The following CSNK1G1 variants were observed in gnomAD, a reference collection of about 807,000 sequenced individuals.
CSNK1G1 encodes casein kinase 1 gamma 1, also known as casein kinase I isoform gamma-1.
In CSNK1G1, 22 loss-of-function variants were observed where a neutral mutation model predicts 59.6. That is an observed-to-expected ratio of 0.37 (90% CI 0.26 to 0.53). CSNK1G1 has a LOEUF of 0.53. Among genes scored for constraint, CSNK1G1 ranks in the 20% least tolerant of loss-of-function variants. The pLI is 0.89. For missense variants in CSNK1G1, 384 were observed against 519.5 expected, an observed-to-expected ratio of 0.74 and a Z score of 2.54; for synonymous variants, 179 against 177.1, an observed-to-expected ratio of 1.01 and a Z score of -0.08.
At chr15:64,339,040 A>G (rs1241294968) in intron 1 of CSNK1G1, among the ~76,000 whole-genome samples, 1 of 152,164 alleles carries the variant, frequency 6.6e-6, no homozygotes, top group Non-Finnish European at 1.5e-5. Flanking sequence ...CTTCCAAGAA[A>G]AGGGGAGAGT....
intron 1 of CSNK1G1, among the ~76,000 whole-genome samples, chr15:64,340,363 G>A (rs1056861079): frequency 6.6e-6 from 1 of 152,072 alleles, no homozygotes; most frequent in African/African-American, 2.4e-5. Flanking sequence ...ATCTCTGCTG[G>A]CAGGAAGTAT....
At chr15:64,179,434 C>A (rs116316743) in intron 11 of CSNK1G1, among the ~76,000 whole-genome samples, 1,884 of 151,720 alleles carry the variant, frequency 0.012, 28 homozygotes, top group African/African-American at 0.044. Flanking sequence ...TACTTAGGTA[C>A]AATATCACTA....
At chr15:64,241,614 C>A (rs1341054529) in intron 4 of CSNK1G1, among the ~76,000 whole-genome samples, 2 of 151,918 alleles carry the variant, frequency 1.3e-5, no homozygotes, top group African/African-American at 2.4e-5. Flanking sequence ...TCTTTTCTGA[C>A]CATAAGGAAA....
intron 10 of CSNK1G1, among the ~76,000 whole-genome samples, chr15:64,195,345 C>A (rs1450090712): frequency 1.3e-5 from 2 of 152,152 alleles, no homozygotes; most frequent in South Asian, 2.1e-4. Context: ...TTTTCACATA[C>A]CCACAACAAA....
At chr15:64,351,289 A>G (rs560569094) in intron 1 of CSNK1G1, among the ~76,000 whole-genome samples, 2 of 152,344 alleles carry the variant, frequency 1.3e-5, no homozygotes, top group South Asian at 4.1e-4. Context: ...CAATAAATTC[A>G]GCTGTATTTT....
At chr15:64,285,857 A>AG (rs1044300758) in intron 2 of CSNK1G1, among the ~76,000 whole-genome samples, 25 of 151,784 alleles carry the variant, frequency 1.6e-4, no homozygotes, top group Admixed American at 8.5e-4. Context: ...TTCTCCAAGA[A>AG]GGGGAAAAAA....
At chr15:64,286,086 A>G (rs1358207607) in intron 2 of CSNK1G1, among the ~76,000 whole-genome samples, 2 of 152,040 alleles carry the variant, frequency 1.3e-5, no homozygotes, top group East Asian at 1.9e-4. Context: ...TGCCTTTTGT[A>G]TGGTGCGGCT....
chr15:64,276,162 G>C (rs576314408), intron 2 of CSNK1G1, among the ~76,000 whole-genome samples: 2 of 152,164 alleles, frequency 1.3e-5, no homozygotes, highest in East Asian at 3.9e-4. Context: ...ATCAAAGCAG[G>C]ACTCATACTC....
chr15:64,181,479 T>C (rs1735639585), intron 10 of CSNK1G1: 3 of 1,460,088 alleles, frequency 2.1e-6, no homozygotes, highest in African/African-American at 1.4e-5. Context: ...TTGGATATCA[T>C]ATGCCCTTGG....
At chr15:64,291,218 A>G (rs2140385380) in intron 2 of CSNK1G1, among the ~76,000 whole-genome samples, 1 of 152,356 alleles carries the variant, frequency 6.6e-6, no homozygotes, top group East Asian at 1.9e-4. Flanking sequence ...TTTCTAAGAA[A>G]CTATTAACTT....
At chr15:64,219,358 G>A (rs939935420) in intron 4 of CSNK1G1, among the ~76,000 whole-genome samples, 2 of 152,152 alleles carry the variant, frequency 1.3e-5, no homozygotes, top group Admixed American at 1.3e-4. Context: ...CCTATATAAG[G>A]ATTTAATGCC....
intron 1 of CSNK1G1, among the ~76,000 whole-genome samples, chr15:64,353,329 T>C (rs73448547): frequency 0.026 from 3,994 of 152,178 alleles, 166 homozygotes; most frequent in African/African-American, 0.092. Flanking sequence ...AACTATATTA[T>C]TTTAAATCCA....
At chr15:64,298,924 C>A (rs1895168686) in intron 2 of CSNK1G1, among the ~76,000 whole-genome samples, 1 of 151,342 alleles carries the variant, frequency 6.6e-6, no homozygotes, top group Non-Finnish European at 1.5e-5. Context: ...CTGTAAGTCC[C>A]AGCTACTCTG....
chr15:64,247,105 T>G lies in CSNK1G1; in HGVS notation c.292+4407A>C, dbSNP rs187637886. Among the ~76,000 whole-genome samples the G allele has an allele frequency of 3.1e-3, 473 of 152,340 alleles. 5 individuals are homozygous for G. The highest frequency in any genetic ancestry group is 0.011 in the African/African-American group (452 of 41,584). On this transcript the variant is annotated intron_variant, in intron 4 of 11. Transcript: ENST00000303052. Reference sequence around the variant, plus strand: ...CAAACCTCTCATCCACCAAATCTTGTTCCTGTGTGCTAGAATACAAGCAAA... The same window carrying G: ...CAAACCTCTCATCCACCAAATCTTGGTCCTGTGTGCTAGAATACAAGCAAA...
intron 2 of CSNK1G1, among the ~76,000 whole-genome samples, chr15:64,290,345 T>TAC (rs58767502): frequency 0.068 from 10,178 of 150,266 alleles, 388 homozygotes; most frequent in South Asian, 0.099. Flanking sequence ...ACACACATTT[T>TAC]ACACACACAC....
chr15:64,198,685 C>A (rs1232165801), intron 10 of CSNK1G1, among the ~76,000 whole-genome samples: 1 of 149,192 alleles, frequency 6.7e-6, no homozygotes, highest in Non-Finnish European at 1.5e-5. Context: ...ATCTTGTTTT[C>A]AATTCTTAGA....
intron 4 of CSNK1G1, among the ~76,000 whole-genome samples, chr15:64,228,732 T>C (rs554731859): frequency 1.7e-4 from 26 of 151,812 alleles, no homozygotes; most frequent in Non-Finnish European, 2.5e-4. Context: ...TACTATAGCA[T>C]GGGCCAGACA....
At chr15:64,247,677 A>G (rs12595468) in intron 4 of CSNK1G1, among the ~76,000 whole-genome samples, 3 of 152,204 alleles carry the variant, frequency 2.0e-5, no homozygotes, top group Non-Finnish European at 2.9e-5. Flanking sequence ...CTATCTCTAC[A>G]TAATTAGAGA....
At chr15:64,201,126 G>T (rs1418842968) in intron 10 of CSNK1G1, among the ~76,000 whole-genome samples, 2 of 151,988 alleles carry the variant, frequency 1.3e-5, no homozygotes, top group African/African-American at 4.8e-5. Context: ...ACAAAAATTA[G>T]CCAGGTATGG....
Sources: allele counts gnomAD v4.1 joint callset (sites outside exome capture counted in the v4.1 genomes callset), GRCh38; gene constraint gnomAD v4.1.1; transcripts MANE v1.5; gene names NCBI Gene and HGNC (gene_info 2026-07-23, HGNC 2026-07-21).